GRID2: variants seen among roughly 807,000 people sequenced by gnomAD.
The protein encoded by GRID2 is glutamate ionotropic receptor delta type subunit 2, also known as glutamate receptor ionotropic, delta-2.
Under a neutral mutation model 114.8 loss-of-function variants are expected in GRID2, and 33 were observed. The ratio of observed to expected loss-of-function variants is 0.29; its 90% CI spans 0.22 to 0.38. GRID2 has a LOEUF of 0.38. Among genes scored for constraint, GRID2 ranks in the 10% least tolerant of loss-of-function variants. The pLI is 1.00. For missense variants in GRID2, 1,184 were observed against 1,257.7 expected (o/e 0.94, Z 0.89); for synonymous variants, 505 against 449.9 (o/e 1.12, Z -1.55).
At chr4:92,404,993 A>G (rs1730957010) in intron 1 of GRID2, among the ~76,000 whole-genome samples, 1 of 152,158 alleles carries the variant, frequency 6.6e-6, no homozygotes, top group Non-Finnish European at 1.5e-5. Context: ...TGCCTATGTA[A>G]CAAAGCTGCA....
chr4:93,221,129 A>G (rs530306443), intron 6 of GRID2, among the ~76,000 whole-genome samples: 7 of 152,308 alleles, frequency 4.6e-5, no homozygotes, highest in African/African-American at 9.6e-5. Flanking sequence ...CGTGGTCTCT[A>G]TGTCAGAAGA....
chr4:92,307,059 G>C (rs1007711216), intron 1 of GRID2, among the ~76,000 whole-genome samples: 2 of 152,102 alleles, frequency 1.3e-5, no homozygotes, highest in Non-Finnish European at 2.9e-5. Flanking sequence ...CGGGTAGTAT[G>C]TGTGTAATTC....
intron 3 of GRID2, among the ~76,000 whole-genome samples, chr4:93,096,932 T>A (rs1024437652): frequency 1.3e-5 from 2 of 152,006 alleles, no homozygotes; most frequent in Non-Finnish European, 2.9e-5. Context: ...TGAGAATGGT[T>A]AAATTAATTT....
intron 2 of GRID2, among the ~76,000 whole-genome samples, chr4:92,910,273 T>A (rs936392131): frequency 6.6e-6 from 1 of 152,024 alleles, no homozygotes; most frequent in African/African-American, 2.4e-5. Context: ...GATTTTACAA[T>A]TACAGACTGC....
intron 5 of GRID2, 34 bp downstream of exon 5, chr4:93,207,491 G>A: frequency 7.4e-7 from 1 of 1,355,172 alleles, no homozygotes; most frequent in Non-Finnish European, 1.0e-6. Flanking sequence ...TTAACTCTGT[G>A]TCCTTTTTTC....
At chr4:93,667,393 T>C (rs555011778) in intron 14 of GRID2, among the ~76,000 whole-genome samples, 38 of 152,008 alleles carry the variant, frequency 2.5e-4, no homozygotes, top group Admixed American at 1.8e-3. Flanking sequence ...TCTCTCTTTT[T>C]TTTTTTTCCA....
At chr4:92,656,572 A>G (rs753654665) in intron 2 of GRID2, among the ~76,000 whole-genome samples, 25 of 151,890 alleles carry the variant, frequency 1.6e-4, no homozygotes, top group Non-Finnish European at 3.0e-4. Flanking sequence ...AATTACAGAA[A>G]TGTTTCAAAA....
At chr4:92,686,041 A>C (rs1733889263) in intron 2 of GRID2, among the ~76,000 whole-genome samples, 2 of 152,044 alleles carry the variant, frequency 1.3e-5, no homozygotes, top group Middle Eastern at 3.2e-3. Flanking sequence ...ATCAATTTAC[A>C]TTCTGGAGAA....
chr4:93,238,623 G>GCCC, intron 8 of GRID2, 133 bp downstream of exon 8: 1 of 531,724 alleles, frequency 1.9e-6, no homozygotes, highest in Non-Finnish European at 3.2e-6. Context: ...GGGGTGAGGG[G>GCCC]AAATTAGGCA....
At chr4:92,530,758 T>A (rs1725311150) in intron 1 of GRID2, among the ~76,000 whole-genome samples, 1 of 130,602 alleles carries the variant, frequency 7.7e-6, no homozygotes, top group Non-Finnish European at 1.7e-5. Context: ...AAAAAAAAAA[T>A]TAGCTGGGCG....
chr4:92,319,134 C>A (rs1344502168), intron 1 of GRID2, among the ~76,000 whole-genome samples: 1 of 152,022 alleles, frequency 6.6e-6, no homozygotes, highest in Admixed American at 6.6e-5. Context: ...AAAATATGAA[C>A]AATTATTTTA....
intron 2 of GRID2, among the ~76,000 whole-genome samples, chr4:93,060,841 AC>A (rs1727721615): frequency 6.6e-6 from 1 of 152,102 alleles, no homozygotes; most frequent in African/African-American, 2.4e-5. Context: ...GGTGGCTCCC[AC>A]CTATAATCCC....
chr4:93,220,131 C>A (rs1317844949), intron 6 of GRID2, among the ~76,000 whole-genome samples: 1 of 152,034 alleles, frequency 6.6e-6, no homozygotes, highest in African/African-American at 2.4e-5. Flanking sequence ...TTAAATGTTA[C>A]TATGTAGATA....
intron 4 of GRID2, among the ~76,000 whole-genome samples, chr4:93,138,813 C>T (rs1238691881): frequency 6.6e-6 from 1 of 152,166 alleles, no homozygotes; most frequent in East Asian, 1.9e-4. Context: ...AAACTCCTTC[C>T]TAAATAATGT....
intron 2 of GRID2, among the ~76,000 whole-genome samples, chr4:92,617,700 A>T (rs908268205): frequency 6.6e-6 from 1 of 151,690 alleles, no homozygotes; most frequent in Admixed American, 6.6e-5. Flanking sequence ...AATAGCCATT[A>T]AAACTACAGT....
At chr4:93,057,340 T>C (rs1228530888) in intron 2 of GRID2, among the ~76,000 whole-genome samples, 2 of 151,934 alleles carry the variant, frequency 1.3e-5, no homozygotes, top group African/African-American at 4.8e-5. Flanking sequence ...AGAAACATAA[T>C]GTGACCTACA....
intron 1 of GRID2, among the ~76,000 whole-genome samples, chr4:92,512,770 G>A (rs190960891): frequency 6.6e-5 from 10 of 151,934 alleles, no homozygotes; most frequent in Admixed American, 2.6e-4. Flanking sequence ...CCTGTTAGAA[G>A]TAAGAATGGG....
intron 3 of GRID2, among the ~76,000 whole-genome samples, chr4:93,106,645 T>C (rs1193291203): frequency 6.6e-6 from 1 of 152,192 alleles, no homozygotes; most frequent in African/African-American, 2.4e-5. Context: ...TAATGACTCT[T>C]ACACACAGCA....
At chr4:93,446,441 T>C (rs890820525) in intron 10 of GRID2, among the ~76,000 whole-genome samples, 2 of 152,064 alleles carry the variant, frequency 1.3e-5, no homozygotes, top group African/African-American at 4.8e-5. Flanking sequence ...GGCTATCTTA[T>C]GTAATCTGCC....
Sources: gnomAD v4.1 joint callset for allele counts (sites outside exome capture counted in the v4.1 genomes callset) on GRCh38, gnomAD v4.1.1 for gene constraint, MANE v1.5 for transcripts, NCBI Gene and HGNC (gene_info 2026-07-23, HGNC 2026-07-21) for gene names.